The following ADIPOR2 variants were observed in gnomAD, a reference collection of about 807,000 sequenced individuals.
The protein encoded by ADIPOR2 is adiponectin receptor 2.
ADIPOR2 carries 18 observed loss-of-function variants against 40.9 expected under a neutral mutation model. The observed-to-expected ratio is 0.44, with a 90% CI of 0.30 to 0.65. The LOEUF (loss-of-function observed/expected upper bound fraction) is 0.65, where lower values mean the gene tolerates loss of function less well. Among genes scored for constraint, ADIPOR2 ranks in the 30% least tolerant of loss-of-function variants. The pLI is 0.09. For missense variants in ADIPOR2, 283 were observed against 479.2 expected (o/e 0.59, Z 3.82); for synonymous variants, 165 against 166.4 (o/e 0.99, Z 0.06).
At chr12:1,742,250 G>T (rs1051416874) in intron 1 of ADIPOR2, among the ~76,000 whole-genome samples, 1 of 152,130 alleles carries the variant, frequency 6.6e-6, no homozygotes, top group Non-Finnish European at 1.5e-5. Flanking sequence ...ACACCACCAC[G>T]CCTGGCTTAT....
chr12:1,702,856 A>G (rs949655135), intron 1 of ADIPOR2: 5 of 152,232 alleles, frequency 3.3e-5, no homozygotes, highest in Non-Finnish European at 7.3e-5. Flanking sequence ...CCTCATGCAC[A>G]TTAACAAGTT....
At chr12:1,761,672 A>T (rs1319039533) in intron 2 of ADIPOR2, among the ~76,000 whole-genome samples, 1 of 152,222 alleles carries the variant, frequency 6.6e-6, no homozygotes, top group African/African-American at 2.4e-5. Flanking sequence ...GAATTTGGAA[A>T]TAGAAGCTAA....
chr12:1,771,531 A>G (rs557983085), intron 2 of ADIPOR2, among the ~76,000 whole-genome samples: 1 of 152,214 alleles, frequency 6.6e-6, no homozygotes, highest in Non-Finnish European at 1.5e-5. Flanking sequence ...AGTTTTAGGT[A>G]AACAAAGATG....
chr12:1,754,567 C>G, intron 2 of ADIPOR2, 53 bp downstream of exon 2: 1 of 1,524,398 alleles, frequency 6.6e-7, no homozygotes, highest in South Asian at 1.3e-5. Context: ...GAGGAAGTGG[C>G]AGAGGGAGGA....
chr12:1,757,986 A>T, intron 2 of ADIPOR2: 1 of 1,048,674 alleles, frequency 9.5e-7, no homozygotes, highest in Non-Finnish European at 1.5e-6. Flanking sequence ...TGCCCACTTC[A>T]GATGCTTCTT....
chr12:1,757,581 C>T (rs1862164897), intron 2 of ADIPOR2: 13 of 1,110,356 alleles, frequency 1.2e-5, no homozygotes, highest in Admixed American at 3.4e-5. Context: ...ATCAGGGTAG[C>T]GGATGGTGCC....
chr12:1,702,484 A>G (rs2094652427), intron 1 of ADIPOR2, among the ~76,000 whole-genome samples: 1 of 152,138 alleles, frequency 6.6e-6, no homozygotes, highest in Admixed American at 6.5e-5. Flanking sequence ...TTACATGTTT[A>G]CAAATCAGAT....
chr12:1,746,525 G>A (rs1401994124), intron 1 of ADIPOR2, among the ~76,000 whole-genome samples: 2 of 151,980 alleles, frequency 1.3e-5, no homozygotes, highest in East Asian at 3.9e-4. Flanking sequence ...CCTCTTATAA[G>A]AGACAAGGAA....
At chr12:1,757,597 TC>T in intron 2 of ADIPOR2, 1 of 1,202,162 alleles carries the variant, frequency 8.3e-7, no homozygotes, top group African/African-American at 1.5e-5. Flanking sequence ...GTGCCGGGCA[TC>T]ATGAGTCACC....
chr12:1,783,491 C>G (rs115553133), intron 6 of ADIPOR2, among the ~76,000 whole-genome samples: 1 of 151,400 alleles, frequency 6.6e-6, no homozygotes, highest in South Asian at 2.1e-4. Flanking sequence ...CCTCTGCCCC[C>G]GGCTTCAGGT....
chr12:1,771,434 G>T (rs1444405735), intron 2 of ADIPOR2, among the ~76,000 whole-genome samples: 2 of 151,828 alleles, frequency 1.3e-5, no homozygotes, highest in Non-Finnish European at 2.9e-5. Context: ...TAGCAGTAAT[G>T]AAAGGTTGAG....
chr12:1,774,768 G>A (rs184199741), intron 3 of ADIPOR2, among the ~76,000 whole-genome samples: 20 of 152,316 alleles, frequency 1.3e-4, no homozygotes, highest in Middle Eastern at 3.4e-3. Flanking sequence ...GCAGTGGCAC[G>A]ATCTTGGCTC....
At chr12:1,720,186 T>G (rs982382949) in intron 1 of ADIPOR2, among the ~76,000 whole-genome samples, 4 of 152,156 alleles carry the variant, frequency 2.6e-5, no homozygotes, top group Non-Finnish European at 4.4e-5. Flanking sequence ...GGAAAGACAT[T>G]TCTATCCCTG....
intron 1 of ADIPOR2, among the ~76,000 whole-genome samples, chr12:1,720,261 A>C (rs1372217759): frequency 6.6e-6 from 1 of 152,098 alleles, no homozygotes; most frequent in Non-Finnish European, 1.5e-5. Context: ...TACTGAATAC[A>C]CTTTACTTTT....
intron 2 of ADIPOR2, among the ~76,000 whole-genome samples, chr12:1,759,778 G>C (rs991698350): frequency 1.3e-5 from 2 of 152,076 alleles, no homozygotes; most frequent in East Asian, 3.9e-4. Context: ...TGTAATGTCA[G>C]CACTTTGGGA....
chr12:1,724,318 A>G (rs1242082806), intron 1 of ADIPOR2, among the ~76,000 whole-genome samples: 1 of 152,178 alleles, frequency 6.6e-6, no homozygotes, highest in African/African-American at 2.4e-5. Context: ...AAAGGAGAGA[A>G]ATTCTGACAT....
intron 1 of ADIPOR2, among the ~76,000 whole-genome samples, chr12:1,698,733 A>T (rs2094644369): frequency 6.6e-6 from 1 of 152,222 alleles, no homozygotes; most frequent in African/African-American, 2.4e-5. Flanking sequence ...CCCCTTTAGT[A>T]ATTTTGTAAT....
chr12:1,783,825 T>A (rs1862774578), intron 6 of ADIPOR2, 55 bp from the exon 7 acceptor site: 1 of 1,432,604 alleles, frequency 7.0e-7, no homozygotes, highest in Admixed American at 2.1e-5. Context: ...TAATACTGAC[T>A]TCTGGCTCTT....
intron 1 of ADIPOR2, among the ~76,000 whole-genome samples, chr12:1,721,740 C>G (rs1464729061): frequency 1.3e-5 from 2 of 152,112 alleles, no homozygotes; most frequent in Admixed American, 1.3e-4. Flanking sequence ...GGGAAGGATC[C>G]TTTGAGTAGG....
Sources: gnomAD v4.1 joint callset for allele counts (sites outside exome capture counted in the v4.1 genomes callset) on GRCh38, gnomAD v4.1.1 for gene constraint, MANE v1.5 for transcripts, NCBI Gene and HGNC (gene_info 2026-07-23, HGNC 2026-07-21) for gene names.